The following KIF26B variants were observed in gnomAD, a reference collection of about 807,000 sequenced individuals.
KIF26B encodes the protein kinesin-like protein KIF26B.
KIF26B carries 63 observed loss-of-function variants against 151.2 expected under a neutral mutation model. The ratio of observed to expected loss-of-function variants is 0.42; its 90% CI spans 0.34 to 0.51. The LOEUF (loss-of-function observed/expected upper bound fraction) is 0.51. Ranked by LOEUF, KIF26B falls within the 20% of genes least tolerant of loss-of-function variation. The pLI is 0.07. For synonymous variants in KIF26B, 1,357 were observed against 1,262.1 expected (o/e 1.08, Z -1.59); for missense variants, 2,813 against 2,913.6 (o/e 0.97, Z 0.79).
intron 2 of KIF26B, among the ~76,000 whole-genome samples, chr1:245,178,278 G>C (rs1668844694): frequency 6.6e-6 from 1 of 152,140 alleles, no homozygotes; most frequent in Non-Finnish European, 1.5e-5. Flanking sequence ...GTATATCCGA[G>C]GTTGACTTTG....
intron 4 of KIF26B, among the ~76,000 whole-genome samples, chr1:245,462,611 T>C (rs578126791): frequency 6.6e-6 from 1 of 152,298 alleles, no homozygotes; most frequent in African/African-American, 2.4e-5. Flanking sequence ...ACCCACCGTG[T>C]TAGCGATGAC....
At chr1:245,408,999 T>C (rs1009864112) in intron 3 of KIF26B, among the ~76,000 whole-genome samples, 9 of 152,208 alleles carry the variant, frequency 5.9e-5, no homozygotes, top group Admixed American at 5.2e-4. Flanking sequence ...AGCCCACCTG[T>C]TTCACATCCT....
chr1:245,157,161 A>T (rs1404031141), intron 2 of KIF26B, among the ~76,000 whole-genome samples: 15 of 152,188 alleles, frequency 9.9e-5, no homozygotes, highest in Non-Finnish European at 1.5e-5. Context: ...AACATACTCG[A>T]AAGCCAGCAT....
intron 2 of KIF26B, among the ~76,000 whole-genome samples, chr1:245,264,204 C>A (rs1670700326): frequency 6.6e-6 from 1 of 152,136 alleles, no homozygotes; most frequent in African/African-American, 2.4e-5. Context: ...CCAAAGAATT[C>A]TAAGCTCTTT....
intron 3 of KIF26B, among the ~76,000 whole-genome samples, chr1:245,383,402 G>A (rs998669954): frequency 6.6e-6 from 1 of 152,174 alleles, no homozygotes; most frequent in Non-Finnish European, 1.5e-5. Context: ...TTCGTGCAGG[G>A]TCCACTCTCC....
chr1:245,548,275 G>A (rs1387306557), intron 5 of KIF26B, among the ~76,000 whole-genome samples: 1 of 147,922 alleles, frequency 6.8e-6, no homozygotes, highest in East Asian at 2.1e-4. Flanking sequence ...TACACAATGT[G>A]GTTGAACTTA....
At chr1:245,640,590 T>C (rs1215228470) in intron 9 of KIF26B, among the ~76,000 whole-genome samples, 1 of 152,090 alleles carries the variant, frequency 6.6e-6, no homozygotes, top group African/African-American at 2.4e-5. Flanking sequence ...GTGTACCTCC[T>C]TACTTCCTTT....
chr1:245,501,972 C>A (rs80252323), intron 4 of KIF26B, among the ~76,000 whole-genome samples: 3,679 of 152,262 alleles, frequency 0.024, 143 homozygotes, highest in African/African-American at 0.082. Context: ...ATTCACCATC[C>A]AAAGTTTTCA....
intron 2 of KIF26B, among the ~76,000 whole-genome samples, chr1:245,223,139 G>A (rs1167296361): frequency 6.6e-6 from 1 of 152,098 alleles, no homozygotes; most frequent in Non-Finnish European, 1.5e-5. Context: ...AGGGACGCTG[G>A]TCACAGCCTG....
At chr1:245,394,984 C>T (rs1029211975) in intron 3 of KIF26B, among the ~76,000 whole-genome samples, 64 of 152,154 alleles carry the variant, frequency 4.2e-4, no homozygotes, top group African/African-American at 4.8e-4. Flanking sequence ...TGAGCCATCA[C>T]GCCCAGCCAA....
At position 245,707,834 on chromosome 1, in the gene KIF26B, A is replaced by G. The variant is rs1242257723; in HGVS notation, c.*5228A>G. ...CACCGGCTTGCACGGAAGAGGACTC[A>G]GCCTCTTCCTAATGGTTCAACATTC... On this transcript the variant is annotated 3_prime_UTR_variant, in exon 15 of 15. Transcript: ENST00000407071. The G allele has an allele frequency of 6.6e-6, 1 of 152,254 alleles. No individual in the cohort carries two copies. The highest frequency in any genetic ancestry group is 2.4e-5 in the African/African-American group (1 of 41,468). 9.4% of individuals were successfully genotyped at this position (152,254 alleles called of 1,614,324 possible).
At chr1:245,645,242 G>C (rs1007676635) in intron 9 of KIF26B, among the ~76,000 whole-genome samples, 5 of 152,110 alleles carry the variant, frequency 3.3e-5, no homozygotes, top group African/African-American at 1.2e-4. Context: ...TTGGGTCATG[G>C]GGGTGGACGA....
At chr1:245,561,901 C>T (rs369378051) in intron 5 of KIF26B, among the ~76,000 whole-genome samples, 39 of 152,292 alleles carry the variant, frequency 2.6e-4, no homozygotes, top group African/African-American at 7.2e-4. Flanking sequence ...CAGAGGTGGT[C>T]CTGCCTCTTC....
chr1:245,506,252 T>C (rs59424125), intron 4 of KIF26B, among the ~76,000 whole-genome samples: 38,142 of 152,060 alleles, frequency 0.25, 5,113 homozygotes, highest in Middle Eastern at 0.39. Context: ...TGTTTTGGGG[T>C]CAGGAGGGAA....
At chr1:245,351,217 CCTCT>C (rs1203532584) in intron 2 of KIF26B, among the ~76,000 whole-genome samples, 1 of 152,204 alleles carries the variant, frequency 6.6e-6, no homozygotes, top group Non-Finnish European at 1.5e-5. Context: ...TTCATCTTTG[CCTCT>C]CTCTAGAGCC....
chr1:245,540,504 A>T lies in KIF26B; in HGVS notation c.1167-263A>T. 1.5e-6 allele frequency: 1 copy of T among 666,142 alleles called. No homozygotes were observed. Among genetic ancestry groups the T allele is most frequent in the South Asian group, 1.5e-5 (1 of 66,452 alleles). The allele number at this position is 666,142 out of a possible 1,614,324, so 41.3% of individuals were successfully genotyped here. A position where few individuals can be genotyped will look rare whatever the true frequency, so the allele number is the denominator to read the frequency against. On this transcript the variant is annotated intron_variant, in intron 4 of 14. Transcript: ENST00000407071. The surrounding 1 kb of genome is among the most constrained non-coding windows in gnomAD (Gnocchi z 4.6). The stretch of plus-strand genomic sequence containing the variant: ...CTGCTTAAGCTGAATGTTGGTGGAT[A>T]ACACATCATTCTTTGTAAATCGTGA...
intron 4 of KIF26B, among the ~76,000 whole-genome samples, chr1:245,502,437 G>A (rs1660639856): frequency 6.6e-6 from 1 of 150,442 alleles, no homozygotes. Flanking sequence ...TGAGGCAGGA[G>A]AATTGCTTGA....
At chr1:245,298,142 C>T (rs1220885885) in intron 2 of KIF26B, among the ~76,000 whole-genome samples, 2 of 152,200 alleles carry the variant, frequency 1.3e-5, no homozygotes, top group Non-Finnish European at 2.9e-5. Flanking sequence ...CTGCCTCAGC[C>T]TCCCAAAGTG....
chr1:245,379,975 A>G (rs1027860674), intron 3 of KIF26B, among the ~76,000 whole-genome samples: 1 of 151,260 alleles, frequency 6.6e-6, no homozygotes, highest in Admixed American at 6.6e-5. Flanking sequence ...CGTCTCAAAA[A>G]AAAAAAAAAA....
Sources: gnomAD v4.1 joint callset for allele counts (sites outside exome capture counted in the v4.1 genomes callset) on GRCh38, gnomAD v4.1.1 for gene constraint, Gnocchi (gnomAD v3.1) non-coding constraint, MANE v1.5 for transcripts, NCBI Gene and HGNC (gene_info 2026-07-23, HGNC 2026-07-21) for gene names.